BCL7A: variants seen among roughly 807,000 people sequenced by gnomAD.
BCL7A encodes BAF chromatin remodeling complex subunit BCL7A, also known as B-cell CLL/lymphoma 7 protein family member A.
Under a neutral mutation model 28.4 loss-of-function variants are expected in BCL7A, and 11 were observed. The ratio of observed to expected loss-of-function variants is 0.39; its 90% CI spans 0.24 to 0.64. The LOEUF is 0.64. Ranked by LOEUF, BCL7A falls within the 30% of genes least tolerant of loss-of-function variation. The probability of loss-of-function intolerance (pLI) is 0.50; values close to 1 mark genes in which losing one functional copy is unlikely to be tolerated. For synonymous variants in BCL7A, 123 were observed against 103.3 expected (o/e 1.19, Z -1.15); for missense variants, 222 against 274.8 (o/e 0.81, Z 1.36).
chr12:122,061,407 C>A lies in BCL7A; in HGVS notation c.*2244C>A, dbSNP rs1165998514. The A allele has an allele frequency of 8.6e-6, 2 of 231,888 alleles. No homozygotes were observed. Among genetic ancestry groups the A allele is most frequent in the African/African-American group, 4.4e-5 (2 of 45,244 alleles). The allele number at this position is 231,888 out of a possible 1,614,324, so 14.4% of individuals were successfully genotyped here. ...GGTAGGAATGGGCCGGCGATTGGGA[C>A]CAGCTGGGCCCCACCACGGCCACGC... is the stretch of plus-strand genomic sequence containing the variant. On this transcript the variant is annotated 3_prime_UTR_variant, in exon 6 of 6. Transcript: ENST00000261822.
intron 2 of BCL7A, among the ~76,000 whole-genome samples, chr12:122,033,215 A>G (rs1481386389): frequency 6.6e-6 from 1 of 151,680 alleles, no homozygotes; most frequent in Middle Eastern, 3.2e-3. Context: ...AGCTCACTGC[A>G]GCCTCGACCT....
At chr12:122,026,065 C>T (rs546682103) in intron 1 of BCL7A, among the ~76,000 whole-genome samples, 120 of 151,254 alleles carry the variant, frequency 7.9e-4, no homozygotes, top group African/African-American at 2.8e-3. Flanking sequence ...GTCAGGAGAT[C>T]GAGACCATCC....
At chr12:122,036,087 C>T (rs919259965) in intron 3 of BCL7A, among the ~76,000 whole-genome samples, 10 of 152,088 alleles carry the variant, frequency 6.6e-5, no homozygotes, top group Non-Finnish European at 1.3e-4. Flanking sequence ...GTGATCTGCC[C>T]GCCACGGCCT....
At chr12:122,023,740 G>C (rs1883535926) in intron 1 of BCL7A, among the ~76,000 whole-genome samples, 1 of 152,326 alleles carries the variant, frequency 6.6e-6, no homozygotes, top group Middle Eastern at 3.4e-3. Context: ...AAAAATGGCA[G>C]AAACAGCTGC....
chr12:122,023,431 A>G (rs1883523367), intron 1 of BCL7A, among the ~76,000 whole-genome samples: 1 of 151,898 alleles, frequency 6.6e-6, no homozygotes, highest in African/African-American at 2.4e-5. Context: ...CGGTCTCTAA[A>G]AGCCACTGGG....
At position 122,046,060 on chromosome 12, in the gene BCL7A, T is replaced by TAAAAAA. The variant is rs776315126; in HGVS notation, c.439+2025_439+2030dup. ...CCTGGGTAACAGGGTGAGACCTTGC[T>TAAAAAA]AAAAAAAAAAAAAAAAAAAAAAAGG... On this transcript the variant is annotated intron_variant, in intron 4 of 5. Transcript: ENST00000261822. Among the ~76,000 whole-genome samples the TAAAAAA allele has an allele frequency of 3.2e-4, 20 of 62,848 alleles. 1 individual carries two copies. Among genetic ancestry groups the TAAAAAA allele is most frequent in the African/African-American group, 8.6e-4 (13 of 15,156 alleles). 41.2% of individuals were successfully genotyped at this position (62,848 alleles called of 152,430 possible). A position where few individuals can be genotyped will look rare whatever the true frequency, so the allele number is the denominator to read the frequency against.
intron 4 of BCL7A, 166 bp downstream of exon 4, chr12:122,044,219 A>G (rs1380375815): frequency 3.7e-6 from 3 of 806,364 alleles, no homozygotes; most frequent in Admixed American, 3.1e-5. Flanking sequence ...AATTAAAAAA[A>G]TCAGACAGGC....
intron 3 of BCL7A, among the ~76,000 whole-genome samples, chr12:122,036,339 G>A (rs891573580): frequency 1.3e-5 from 2 of 152,140 alleles, no homozygotes; most frequent in Non-Finnish European, 2.9e-5. Flanking sequence ...CAAGGCTGCA[G>A]TGAGCTATGA....
intron 1 of BCL7A, among the ~76,000 whole-genome samples, chr12:122,027,557 G>A (rs1883654785): frequency 6.6e-6 from 1 of 150,856 alleles, no homozygotes; most frequent in African/African-American, 2.4e-5. Flanking sequence ...TAACAAATAG[G>A]CTGGGCACAG....
intron 3 of BCL7A, among the ~76,000 whole-genome samples, chr12:122,041,071 C>T (rs1285402416): frequency 2.0e-5 from 3 of 151,668 alleles, no homozygotes; most frequent in South Asian, 4.2e-4. Context: ...TTTTGTGTAA[C>T]GAGCACCCCA....
chr12:122,040,956 C>T (rs80135677), intron 3 of BCL7A, among the ~76,000 whole-genome samples: 3 of 152,066 alleles, frequency 2.0e-5, no homozygotes, highest in South Asian at 2.1e-4. Context: ...GCCTCTTGCG[C>T]GTGTGCTTGC....
At chr12:122,038,949 A>G (rs1008304234) in intron 3 of BCL7A, among the ~76,000 whole-genome samples, 3 of 151,978 alleles carry the variant, frequency 2.0e-5, no homozygotes, top group African/African-American at 7.3e-5. Flanking sequence ...CCGAGTTAGG[A>G]GGATCACTTG....
rs564084558 is a variant in BCL7A, at chr12:122,059,228, A to G, written c.*65A>G. 11 of 1,485,642 alleles carry G rather than the reference A, an allele frequency of 7.4e-6. No homozygotes were observed. Among genetic ancestry groups the G allele is most frequent in the Non-Finnish European group, 9.4e-6 (10 of 1,066,962 alleles). The allele number at this position is 1,485,642 out of a possible 1,614,324, so 92.0% of individuals were successfully genotyped here. A position where few individuals can be genotyped will look rare whatever the true frequency, so the allele number is the denominator to read the frequency against. On this transcript the variant is annotated 3_prime_UTR_variant, in exon 6 of 6. Transcript: ENST00000261822. This position sits in a 1 kb window ranked among gnomAD's most constrained non-coding sequence, Gnocchi z 4.0. Reference sequence around the variant, plus strand: ...TACATCAGCAATTAATTCTAGAGCAACTTTGCCCCAGCGATTCCTCTTGGG... The same window carrying G: ...TACATCAGCAATTAATTCTAGAGCAGCTTTGCCCCAGCGATTCCTCTTGGG...
intron 4 of BCL7A, among the ~76,000 whole-genome samples, chr12:122,046,596 ACT>A (rs1240662680): frequency 3.3e-5 from 5 of 152,094 alleles, no homozygotes; most frequent in African/African-American, 1.2e-4. Flanking sequence ...ATGCAGACAG[ACT>A]CTATCCAGCC....
intron 3 of BCL7A, among the ~76,000 whole-genome samples, chr12:122,036,163 A>G (rs567485579): frequency 1.9e-4 from 29 of 152,208 alleles, no homozygotes; most frequent in African/African-American, 7.0e-4. Flanking sequence ...TTCTGATTTC[A>G]TGTTAATCCC....
At position 122,043,808 on chromosome 12, in the gene BCL7A, G is replaced by A; in HGVS notation, c.272-78G>A. On this transcript the variant is annotated intron_variant, in intron 3 of 5. Coordinates refer to ENST00000261822, the MANE Select transcript of BCL7A (RefSeq NM_001024808.3). ...TGGGGTTCCGGGCATTGAGGCACAGGGATGCTGAGCCCTCTGACCTACCCG... is the reference window on the plus strand; with the variant it reads ...TGGGGTTCCGGGCATTGAGGCACAGAGATGCTGAGCCCTCTGACCTACCCG... 2.8e-6 allele frequency: 4 copies of A among 1,442,620 alleles called. No homozygotes were observed. The South Asian group carries it at 5.6e-5, about 20-fold the overall frequency. The allele number at this position is 1,442,620 out of a possible 1,614,324, so 89.4% of individuals were successfully genotyped here.
At chr12:122,034,728 C>T (rs1352353514) in intron 2 of BCL7A, among the ~76,000 whole-genome samples, 15 of 148,570 alleles carry the variant, frequency 1.0e-4, no homozygotes, top group African/African-American at 7.4e-5. Context: ...GGTGACAGAA[C>T]GAGACTCTGT....
chr12:122,036,995 G>A (rs1253992846), intron 3 of BCL7A, among the ~76,000 whole-genome samples: 2 of 152,162 alleles, frequency 1.3e-5, no homozygotes, highest in African/African-American at 2.4e-5. Flanking sequence ...GTGAGCCACC[G>A]CACCCGTCCC....
chr12:122,034,190 C>CATATATAT (rs55770934), intron 2 of BCL7A, among the ~76,000 whole-genome samples: 5 of 97,610 alleles, frequency 5.1e-5, no homozygotes, highest in South Asian at 4.1e-4. Flanking sequence ...CTGCATCTTT[C>CATATATAT]ATATATATAT....
Sources: gnomAD v4.1 joint callset for allele counts (sites outside exome capture counted in the v4.1 genomes callset) on GRCh38, gnomAD v4.1.1 for gene constraint, Gnocchi (gnomAD v3.1) non-coding constraint, MANE v1.5 for transcripts, NCBI Gene and HGNC (gene_info 2026-07-23, HGNC 2026-07-21) for gene names.